ZNF589: variants seen among roughly 807,000 people sequenced by gnomAD.
The protein encoded by ZNF589 is zinc finger protein 589, also known as KRAB-zinc finger protein SZF1-1.
In ZNF589, 17 loss-of-function variants were observed where a neutral mutation model predicts 13.6. That is an observed-to-expected ratio of 1.25 (90% CI 0.86 to 1.88). ZNF589 has a LOEUF of 1.88. ZNF589 is among the 40% of genes most tolerant of loss of function. The probability of loss-of-function intolerance (pLI) is 0.00; values close to 1 mark genes in which losing one functional copy is unlikely to be tolerated. For synonymous variants in ZNF589, 148 were observed against 161.6 expected, an observed-to-expected ratio of 0.92 and a Z score of 0.64; for missense variants, 407 against 434.0, an observed-to-expected ratio of 0.94 and a Z score of 0.55.
At chr3:48,262,957 C>G (rs1476779593) in intron 3 of ZNF589, among the ~76,000 whole-genome samples, 1 of 152,182 alleles carries the variant, frequency 6.6e-6, no homozygotes, top group Non-Finnish European at 1.5e-5. Context: ...ATGTAGTCAT[C>G]AATAAGGCAT....
intron 3 of ZNF589, among the ~76,000 whole-genome samples, chr3:48,266,250 C>T (rs1262592739): frequency 6.6e-6 from 1 of 152,190 alleles, no homozygotes; most frequent in Non-Finnish European, 1.5e-5. Context: ...CACCTTTGGC[C>T]TTTGAACTAC....
At chr3:48,250,402 T>C (rs559319608) in intron 2 of ZNF589, among the ~76,000 whole-genome samples, 1 of 151,592 alleles carries the variant, frequency 6.6e-6, no homozygotes, top group Admixed American at 6.6e-5. Flanking sequence ...TCCTCCCCTC[T>C]TGGACTCTCA....
At chr3:48,256,398 G>T (rs1049310597) in intron 2 of ZNF589, 1 of 567,838 alleles carries the variant, frequency 1.8e-6, no homozygotes, top group African/African-American at 1.9e-5. Context: ...TGTCCCTCAG[G>T]AGGGTTGACC....
chr3:48,251,691 CT>C (rs900817562), intron 2 of ZNF589, among the ~76,000 whole-genome samples: 6 of 152,020 alleles, frequency 3.9e-5, no homozygotes, highest in Non-Finnish European at 7.4e-5. Flanking sequence ...TCTTCCAACA[CT>C]GTTTTTTTGA....
intron 3 of ZNF589, among the ~76,000 whole-genome samples, chr3:48,263,024 C>T (rs2033982929): frequency 6.6e-6 from 1 of 152,198 alleles, no homozygotes; most frequent in African/African-American, 2.4e-5. Context: ...CCTGTAAGCA[C>T]TTGATTGCTC....
chr3:48,264,920 C>T (rs2034004009), intron 3 of ZNF589, among the ~76,000 whole-genome samples: 1 of 152,192 alleles, frequency 6.6e-6, no homozygotes, highest in South Asian at 2.1e-4. Flanking sequence ...GGGCAGAACT[C>T]TGTGGTTCCA....
At chr3:48,241,999 A>G (rs2033703996) in intron 1 of ZNF589, among the ~76,000 whole-genome samples, 1 of 151,644 alleles carries the variant, frequency 6.6e-6, no homozygotes, top group African/African-American at 2.4e-5. Flanking sequence ...TTTAGTAGAG[A>G]GGGGATTTCG....
rs942612980 is a variant in ZNF589 at position 48,270,145 on chromosome 3, C to T, written c.*1359C>T. ...TCTCCTGCTTTATTTTTTTCTACAT[C>T]TCTAGCCTTTGCTGTTTCCTCTCCT... On this transcript the variant is annotated 3_prime_UTR_variant, in exon 4 of 4. Coordinates refer to ENST00000354698, the MANE Select transcript of ZNF589 (RefSeq NM_016089.3). 6.6e-6 allele frequency: 3 copies of T among 456,874 alleles called. No individual in the cohort carries two copies. In the East Asian group the frequency reaches 2.1e-4, roughly 32 times the overall value. The allele number at this position is 456,874 out of a possible 1,614,324, so 28.3% of individuals were successfully genotyped here. A position where few individuals can be genotyped will look rare whatever the true frequency, so the allele number is the denominator to read the frequency against.
intron 2 of ZNF589, chr3:48,256,956 G>T: frequency 1.6e-6 from 1 of 637,996 alleles, no homozygotes; most frequent in South Asian, 1.5e-5. Context: ...AACCAACCCT[G>T]ACCTCCACAA....
Position 48,260,554 on chromosome 3 carries a change from G to A in ZNF589, c.97-259G>A, listed in dbSNP as rs528521872. On this transcript the variant is annotated intron_variant, in intron 2 of 3. Coordinates refer to ENST00000354698, the MANE Select transcript of ZNF589 (RefSeq NM_016089.3). ...CTCCCAAGTAGCTGGGACTACAGGCGTGTGCTACCACGCCCAGCTAATTTT... is the reference window on the plus strand; with the variant it reads ...CTCCCAAGTAGCTGGGACTACAGGCATGTGCTACCACGCCCAGCTAATTTT... 1.5e-4 allele frequency among the ~76,000 whole-genome samples: 23 copies of A among 152,264 alleles called. No homozygotes were observed. The East Asian group carries it at 1.9e-3, about 13-fold the overall frequency.
chr3:48,243,593 C>T (rs2033721346), intron 1 of ZNF589, among the ~76,000 whole-genome samples: 3 of 151,942 alleles, frequency 2.0e-5, no homozygotes, highest in Admixed American at 2.0e-4. Context: ...GGGTAGATCA[C>T]CTGAGGTCAG....
At chr3:48,252,223 G>A (rs907761609) in intron 2 of ZNF589, among the ~76,000 whole-genome samples, 6 of 150,924 alleles carry the variant, frequency 4.0e-5, no homozygotes, top group Non-Finnish European at 8.8e-5. Flanking sequence ...ACAGATTCTC[G>A]CTCTGTCTCC....
chr3:48,241,912 C>T (rs994461526), intron 1 of ZNF589, among the ~76,000 whole-genome samples: 3 of 151,898 alleles, frequency 2.0e-5, no homozygotes, highest in African/African-American at 7.3e-5. Flanking sequence ...CTTTCCCAGG[C>T]TCAAGTGATT....
chr3:48,269,499 G>T lies in ZNF589; in HGVS notation c.*713G>T. 1 of 379,112 alleles carries T rather than the reference G, an allele frequency of 2.6e-6. No homozygotes were observed. 23.5% of individuals were successfully genotyped at this position (379,112 alleles called of 1,614,324 possible). A position where few individuals can be genotyped will look rare whatever the true frequency, so the allele number is the denominator to read the frequency against. ...CGGAAGATACTCCTCAACAGACACTGGAGGACACACACAGGAGAGAAACCT... is the reference window on the plus strand; with the variant it reads ...CGGAAGATACTCCTCAACAGACACTTGAGGACACACACAGGAGAGAAACCT... On this transcript the variant is annotated 3_prime_UTR_variant, in exon 4 of 4. Transcript: ENST00000354698.
chr3:48,250,306 C>CTTTT (rs34016179), intron 2 of ZNF589, among the ~76,000 whole-genome samples: 97 of 116,672 alleles, frequency 8.3e-4, no homozygotes, highest in Non-Finnish European at 1.0e-3. Context: ...TCTCTACTTT[C>CTTTT]TTTTTTTTTT....
chr3:48,263,167 T>C (rs934104170), intron 3 of ZNF589, among the ~76,000 whole-genome samples: 12 of 152,028 alleles, frequency 7.9e-5, no homozygotes, highest in Admixed American at 5.9e-4. Context: ...TGGAGTGCAA[T>C]GGTGCAATCT....
intron 2 of ZNF589, among the ~76,000 whole-genome samples, chr3:48,249,798 A>G (rs188995458): frequency 8.6e-4 from 131 of 152,320 alleles, no homozygotes; most frequent in African/African-American, 3.0e-3. Context: ...CTTTGTGATG[A>G]GAACATCCAA....
intron 1 of ZNF589, among the ~76,000 whole-genome samples, chr3:48,245,280 A>C (rs1249341884): frequency 6.6e-6 from 1 of 151,962 alleles, no homozygotes. Context: ...ACGCCCGGCT[A>C]ATTTTTTTAT....
rs1346675158 is a variant in ZNF589, at chr3:48,268,122, A to C, written c.431A>C (p.Asp144Ala). 6.2e-7 allele frequency: 1 copy of C among 1,614,082 alleles called. No homozygotes were observed. Among genetic ancestry groups the C allele is most frequent in the Non-Finnish European group, 8.5e-7 (1 of 1,180,018 alleles). ...DKNHRGAEAEDQRVEGGVRPL... is the reference protein window; with the variant it reads ...DKNHRGAEAEAQRVEGGVRPL... ...AATCACAGGGGGGCTGAAGCAGAAG[A>C]TCAACGAGTGGAAGGAGGCGTCAGA... Residue 144 changes from aspartate to alanine, a missense_variant, in exon 4 of 4, where the codon GAT becomes GCT. Coordinates refer to ENST00000354698, the MANE Select transcript of ZNF589 (RefSeq NM_016089.3).
Sources: allele counts gnomAD v4.1 joint callset (sites outside exome capture counted in the v4.1 genomes callset), GRCh38; gene constraint gnomAD v4.1.1; transcripts MANE v1.5; gene names NCBI Gene and HGNC (gene_info 2026-07-23, HGNC 2026-07-21).